Variants in CYTH1 observed in about 807,000 individuals in gnomAD.
CYTH1 encodes the protein cytohesin 1.
CYTH1 carries 18 observed loss-of-function variants against 61.8 expected under a neutral mutation model. That is an observed-to-expected ratio of 0.29 (90% CI 0.20 to 0.43). The LOEUF (loss-of-function observed/expected upper bound fraction) is 0.43, where lower values mean the gene tolerates loss of function less well. Among genes scored for constraint, CYTH1 ranks in the 20% least tolerant of loss-of-function variants. The pLI is 1.00. For synonymous variants in CYTH1, 174 were observed against 184.3 expected, an observed-to-expected ratio of 0.94 and a Z score of 0.45; for missense variants, 336 against 510.5, an observed-to-expected ratio of 0.66 and a Z score of 3.29.
intron 3 of CYTH1, 98 bp downstream of exon 3, chr17:78,708,099 T>A (rs756795009): frequency 4.9e-6 from 6 of 1,227,944 alleles, no homozygotes; most frequent in African/African-American, 1.5e-5. Flanking sequence ...GACACAAAGC[T>A]GACTTTTTCC....
In CYTH1 at chr17:78,708,272, G is replaced by A; in HGVS notation, c.106-11C>T. 1 of 1,610,106 alleles carries A rather than the reference G, an allele frequency of 6.2e-7. No individual in the cohort carries two copies. Among genetic ancestry groups the A allele is most frequent in the East Asian group, 2.2e-5 (1 of 44,590 alleles). On this transcript the variant is annotated splice_polypyrimidine_tract_variant and intron_variant, in intron 2 of 13. Transcript: ENST00000446868. ...CTCATCCTTCAGCCTCTATAAAACA[G>A]ACAGTCCAGAGTCAGCAGGAAAGGC...
intron 10 of CYTH1, among the ~76,000 whole-genome samples, chr17:78,694,365 T>C (rs577255965): frequency 2.4e-4 from 37 of 152,368 alleles, no homozygotes; most frequent in Non-Finnish European, 8.8e-5. Context: ...CAGTAACTTC[T>C]AAGTTTCATG....
intron 1 of CYTH1, among the ~76,000 whole-genome samples, chr17:78,757,386 A>C (rs1461328938): frequency 2.6e-5 from 4 of 152,140 alleles, no homozygotes; most frequent in Admixed American, 2.0e-4. Flanking sequence ...TCTCCTTCTA[A>C]TTAGAATGTA....
intron 1 of CYTH1, among the ~76,000 whole-genome samples, chr17:78,734,395 TATGTACCA>T (rs61273305): frequency 0.88 from 122,158 of 138,768 alleles, 54,049 homozygotes; most frequent in African/African-American, 0.96. Context: ...CTGACGAATG[TATGTACCA>T]ATGTACCAAT....
intron 2 of CYTH1, chr17:78,709,411 A>G (rs1331440513): frequency 6.0e-6 from 3 of 497,614 alleles, no homozygotes; most frequent in Non-Finnish European, 1.1e-5. Flanking sequence ...GGCTATCTCC[A>G]GCTCCGACAA....
At chr17:78,755,402 G>T (rs1048178108) in intron 1 of CYTH1, among the ~76,000 whole-genome samples, 10 of 150,292 alleles carry the variant, frequency 6.7e-5, no homozygotes, top group Non-Finnish European at 1.0e-4. Context: ...CCAAGTGCTG[G>T]GATTACAGGC....
At chr17:78,685,018 G>A (rs1434805705) in intron 11 of CYTH1, among the ~76,000 whole-genome samples, 2 of 152,056 alleles carry the variant, frequency 1.3e-5, no homozygotes, top group African/African-American at 2.4e-5. Flanking sequence ...GACCAACATG[G>A]TGAAACCCCA....
intron 11 of CYTH1, among the ~76,000 whole-genome samples, chr17:78,687,297 C>A (rs1019073640): frequency 6.6e-6 from 1 of 151,988 alleles, no homozygotes; most frequent in African/African-American, 2.4e-5. Flanking sequence ...GCTGCTGTCA[C>A]TGCAGAAAAC....
intron 1 of CYTH1, among the ~76,000 whole-genome samples, chr17:78,749,924 A>T (rs2144668619): frequency 6.6e-6 from 1 of 152,340 alleles, no homozygotes; most frequent in East Asian, 1.9e-4. Flanking sequence ...TATTACCCAA[A>T]GAAATACCAA....
Position 78,680,333 on chromosome 17 carries a change from C to T in CYTH1, c.975G>A (p.Glu325=), listed in dbSNP as rs915216311. ...VEDSKKPNCF[E]LYIPDNKDQV... Reference sequence around the variant, plus strand: ...GGTCTTTATTGTCGGGGATATAAAGCTCAAAGCAGTTCTGAGAATCAAAAC... The same window carrying T: ...GGTCTTTATTGTCGGGGATATAAAGTTCAAAGCAGTTCTGAGAATCAAAAC... The change falls in exon 13 of 14, where the codon GAG becomes GAA. Residue 325 remains glutamate (E), a synonymous_variant. Coordinates refer to ENST00000446868, the MANE Select transcript of CYTH1 (RefSeq NM_004762.6). 6.2e-7 allele frequency: 1 copy of T among 1,613,298 alleles called. No individual in the cohort carries two copies. Among genetic ancestry groups the T allele is most frequent in the African/African-American group, 1.3e-5 (1 of 74,996 alleles).
At chr17:78,690,337 T>C (rs750379476) in intron 11 of CYTH1, among the ~76,000 whole-genome samples, 1 of 126,622 alleles carries the variant, frequency 7.9e-6, no homozygotes, top group African/African-American at 3.1e-5. Flanking sequence ...GAGCTTGCAG[T>C]GAGCCGAGAT....
At chr17:78,678,499 T>A (rs2092724602) in intron 13 of CYTH1, 1 of 152,206 alleles carries the variant, frequency 6.6e-6, no homozygotes, top group Non-Finnish European at 1.5e-5. Context: ...AGCTATTCAT[T>A]CATGAGAACA....
chr17:78,678,950 CCT>C (rs1186020552), intron 13 of CYTH1, among the ~76,000 whole-genome samples: 1 of 152,220 alleles, frequency 6.6e-6, no homozygotes, highest in African/African-American at 2.4e-5. Flanking sequence ...CCAGCTGGTT[CCT>C]GTCTGTTTTC....
chr17:78,775,031 C>A (rs549430903), intron 1 of CYTH1, among the ~76,000 whole-genome samples: 1 of 152,258 alleles, frequency 6.6e-6, no homozygotes, highest in Non-Finnish European at 1.5e-5. Context: ...GCTGGCATAA[C>A]GGCCCTGGAC....
At chr17:78,679,877 C>T (rs773201715) in intron 13 of CYTH1, among the ~76,000 whole-genome samples, 7 of 152,302 alleles carry the variant, frequency 4.6e-5, no homozygotes, top group Middle Eastern at 6.8e-3. Context: ...AGAATGAGAG[C>T]GGCTTCGTCA....
At chr17:78,677,130 A>G (rs1407900162) in intron 13 of CYTH1, 13 of 454,428 alleles carry the variant, frequency 2.9e-5, no homozygotes, top group Non-Finnish European at 5.3e-5. Flanking sequence ...AGAGCACTAG[A>G]AACATGTCCC....
chr17:78,707,485 C>T (rs1316307147), intron 3 of CYTH1, among the ~76,000 whole-genome samples: 2 of 152,134 alleles, frequency 1.3e-5, no homozygotes, highest in South Asian at 4.1e-4. Context: ...AATAAGCTCA[C>T]GATTATCCTC....
chr17:78,687,979 C>T (rs767773326), intron 11 of CYTH1, among the ~76,000 whole-genome samples: 3 of 152,222 alleles, frequency 2.0e-5, no homozygotes, highest in Non-Finnish European at 4.4e-5. Flanking sequence ...CTGCGTCCAT[C>T]TCCTCCGAGG....
intron 1 of CYTH1, among the ~76,000 whole-genome samples, chr17:78,776,700 T>C (rs1022523727): frequency 6.6e-6 from 1 of 150,608 alleles, no homozygotes; most frequent in Non-Finnish European, 1.5e-5. Flanking sequence ...ATGCATGTTA[T>C]AAAGAAAATG....
Sources: allele counts gnomAD v4.1 joint callset (sites outside exome capture counted in the v4.1 genomes callset), GRCh38; gene constraint gnomAD v4.1.1; transcripts MANE v1.5; gene names NCBI Gene and HGNC (gene_info 2026-07-23, HGNC 2026-07-21).